The following RGS7 variants were observed in gnomAD, a reference collection of about 807,000 sequenced individuals.
The protein encoded by RGS7 is regulator of G-protein signaling 7.
In RGS7, 27 loss-of-function variants were observed where a neutral mutation model predicts 81.1. The ratio of observed to expected loss-of-function variants is 0.33; its 90% CI spans 0.25 to 0.46. The LOEUF (loss-of-function observed/expected upper bound fraction) is 0.46. RGS7 is among the 20% of genes least tolerant of loss of function. The pLI, the probability that RGS7 is intolerant of heterozygous loss-of-function variation, is 1.00. For missense variants in RGS7, 396 were observed against 607.4 expected, an observed-to-expected ratio of 0.65 and a Z score of 3.66; for synonymous variants, 208 against 207.7, an observed-to-expected ratio of 1.00 and a Z score of -0.01.
chr1:240,816,598 G>C (rs1028699636), intron 10 of RGS7, among the ~76,000 whole-genome samples, 183 bp from the exon 11 acceptor site: 3 of 152,096 alleles, frequency 2.0e-5, no homozygotes, highest in African/African-American at 7.2e-5. Flanking sequence ...TAGAAGCACA[G>C]CTCGGAAAAA....
chr1:241,222,030 G>A (rs2075047832), intron 2 of RGS7, among the ~76,000 whole-genome samples: 1 of 152,034 alleles, frequency 6.6e-6, no homozygotes, highest in Non-Finnish European at 1.5e-5. Context: ...TGAATTTCTA[G>A]GAAGAACTCT....
In RGS7 at chr1:240,786,200, A is replaced by T. The variant is rs190805136; in HGVS notation, c.*7-9987T>A. Among the ~76,000 whole-genome samples the T allele has an allele frequency of 1.9e-3, 290 of 152,336 alleles. 1 individual carries two copies. Among genetic ancestry groups the T allele is most frequent in the Non-Finnish European group, 3.3e-3 (226 of 68,018 alleles). ...ATGAAGAAAACATAGAAAAAAGAGAAGAAATAAATATTACTTGAAATATGA... is the reference window on the plus strand; with the variant it reads ...ATGAAGAAAACATAGAAAAAAGAGATGAAATAAATATTACTTGAAATATGA... On this transcript the variant is annotated intron_variant, in intron 18 of 18. Transcript: ENST00000440928.
At chr1:241,269,071 TAC>T (rs1046643272) in intron 2 of RGS7, among the ~76,000 whole-genome samples, 4 of 152,260 alleles carry the variant, frequency 2.6e-5, no homozygotes, top group African/African-American at 9.6e-5. Flanking sequence ...TGATTAATTA[TAC>T]AGAGTGATAT....
At chr1:240,813,571 C>T in intron 13 of RGS7, 47 bp downstream of exon 13, 1 of 1,160,660 alleles carries the variant, frequency 8.6e-7, no homozygotes, top group Non-Finnish European at 1.3e-6. Context: ...TCACTCAGAC[C>T]CTGAAATAAA....
chr1:241,201,548 T>C (rs1017024568), intron 2 of RGS7, among the ~76,000 whole-genome samples: 1 of 152,188 alleles, frequency 6.6e-6, no homozygotes, highest in Admixed American at 6.5e-5. Context: ...AAGTGATATG[T>C]ATCCTTAAAT....
intron 3 of RGS7, among the ~76,000 whole-genome samples, chr1:241,076,759 T>C (rs1452480686): frequency 3.3e-5 from 5 of 152,216 alleles, no homozygotes; most frequent in Non-Finnish European, 5.9e-5. Context: ...CTGATAATTC[T>C]TTGCTTATCA....
rs1183041267 is a variant in RGS7, at chr1:240,806,330, T to G, written c.1083-4A>C. 1 of 1,613,762 alleles carries G rather than the reference T, an allele frequency of 6.2e-7. No homozygotes were observed. Among genetic ancestry groups the G allele is most frequent in the Admixed American group, 1.7e-5 (1 of 60,000 alleles). ...GTCCTCCACTGCCAGCCAGAATCTA[T>G]GCAGAATGTGAGATCGGGTGTTTAC... On this transcript the variant is annotated splice_region_variant and splice_polypyrimidine_tract_variant and intron_variant, in intron 14 of 18. Transcript: ENST00000440928.
intron 2 of RGS7, among the ~76,000 whole-genome samples, chr1:241,142,253 C>T (rs1403953668): frequency 6.6e-6 from 1 of 152,190 alleles, no homozygotes; most frequent in Non-Finnish European, 1.5e-5. Context: ...ATCTACCATT[C>T]TGAGGTCTGA....
chr1:241,171,604 A>G (rs1011972289), intron 2 of RGS7, among the ~76,000 whole-genome samples: 2 of 152,230 alleles, frequency 1.3e-5, no homozygotes, highest in Non-Finnish European at 2.9e-5. Flanking sequence ...TTTTCTAGTA[A>G]CAAGTGATTC....
chr1:241,347,901 G>GA (rs573911641), intron 2 of RGS7, among the ~76,000 whole-genome samples: 1,937 of 150,816 alleles, frequency 0.013, 24 homozygotes, highest in South Asian at 0.029. Context: ...GTATTCTCTT[G>GA]AAAAAAAAAT....
intron 2 of RGS7, among the ~76,000 whole-genome samples, chr1:241,150,105 A>G (rs777153563): frequency 1.3e-5 from 2 of 152,238 alleles, no homozygotes; most frequent in Non-Finnish European, 2.9e-5. Flanking sequence ...CCAAGGGTAC[A>G]ATGCGTATGA....
chr1:241,120,112 C>A (rs553400275), intron 2 of RGS7, among the ~76,000 whole-genome samples: 1 of 152,134 alleles, frequency 6.6e-6, no homozygotes, highest in Non-Finnish European at 1.5e-5. Flanking sequence ...TATTATGAGG[C>A]CCTGCCCATC....
At chr1:241,213,922 G>A (rs548440951) in intron 2 of RGS7, among the ~76,000 whole-genome samples, 11 of 152,136 alleles carry the variant, frequency 7.2e-5, no homozygotes, top group Admixed American at 4.6e-4. Context: ...GTGCCACCAT[G>A]CCTGGGTAAT....
intron 9 of RGS7, among the ~76,000 whole-genome samples, chr1:240,836,815 G>A (rs1694804823): frequency 6.6e-6 from 1 of 152,172 alleles, no homozygotes; most frequent in Non-Finnish European, 1.5e-5. Flanking sequence ...ATTAAAACAT[G>A]ATGATCAATT....
intron 2 of RGS7, among the ~76,000 whole-genome samples, chr1:241,302,481 G>A (rs1285686071): frequency 3.3e-5 from 5 of 152,038 alleles, no homozygotes; most frequent in Non-Finnish European, 5.9e-5. Context: ...CCCGGGAGGC[G>A]GAGCTTGCAG....
chr1:240,871,473 A>C (rs1455924649), intron 6 of RGS7, among the ~76,000 whole-genome samples: 1 of 152,214 alleles, frequency 6.6e-6, no homozygotes. Context: ...GGAGAGAGCC[A>C]ACCACAGAAT....
At chr1:241,007,019 C>T (rs867619252) in intron 3 of RGS7, among the ~76,000 whole-genome samples, 5 of 152,212 alleles carry the variant, frequency 3.3e-5, no homozygotes, top group East Asian at 1.9e-4. Flanking sequence ...TGGGATCAAG[C>T]GATTCTCCTG....
intron 3 of RGS7, among the ~76,000 whole-genome samples, chr1:241,080,340 T>C (rs1405648789): frequency 1.3e-5 from 2 of 150,648 alleles, no homozygotes; most frequent in Non-Finnish European, 3.0e-5. Context: ...ACCTTGAGAA[T>C]GTAGAAAATA....
chr1:240,850,544 C>A (rs1572407373), intron 9 of RGS7, among the ~76,000 whole-genome samples: 1 of 152,138 alleles, frequency 6.6e-6, no homozygotes, highest in Non-Finnish European at 1.5e-5. Flanking sequence ...CCAATAATAA[C>A]CCTACAATGA....
Sources: allele counts gnomAD v4.1 joint callset (sites outside exome capture counted in the v4.1 genomes callset), GRCh38; gene constraint gnomAD v4.1.1; transcripts MANE v1.5; gene names NCBI Gene and HGNC (gene_info 2026-07-23, HGNC 2026-07-21).